The following FAT2 variants were observed in gnomAD, a reference collection of about 807,000 sequenced individuals.
The protein encoded by FAT2 is protocadherin Fat 2.
FAT2 carries 150 observed loss-of-function variants against 295.3 expected under a neutral mutation model. That is an observed-to-expected ratio of 0.51 (90% confidence interval 0.44 to 0.58). The LOEUF (loss-of-function observed/expected upper bound fraction) is 0.58. Ranked by LOEUF, FAT2 falls within the 20% of genes least tolerant of loss-of-function variation. FAT2 has a pLI of 0.00. For synonymous variants in FAT2, 2,026 were observed against 2,150.3 expected (o/e 0.94, Z 1.60); for missense variants, 4,868 against 5,442.7 (o/e 0.89, Z 3.32).
At chr5:151,518,003 G>T in intron 19 of FAT2, among the ~76,000 whole-genome samples, 1 of 152,224 alleles carries the variant, frequency 6.6e-6, no homozygotes, top group South Asian at 2.1e-4. Flanking sequence ...TAGGTCCCAG[G>T]CTGGGTCAAG....
At chr5:151,536,750 G>A (rs115238017) in intron 12 of FAT2, among the ~76,000 whole-genome samples, 1 of 152,316 alleles carries the variant, frequency 6.6e-6, no homozygotes, top group African/African-American at 2.4e-5. Flanking sequence ...ACAATTCTAT[G>A]AGGTGTTATC....
rs770882451 is a variant in FAT2, at chr5:151,568,638, C to G, written c.294G>C (p.Arg98Ser). The change falls in exon 2 of 24, where the codon AGG becomes AGC. Residue 98 changes from arginine to serine, a missense_variant. This residue lies in a region of FAT2 where 3,297 missense variants were observed against 3,669.4 expected (regional missense o/e 0.90). Transcript: ENST00000261800. ...VVGNFCFLRI[R>S]TKSSNTALLN... is the part of the protein sequence containing the mutation. Reference sequence around the variant, plus strand: ...GAAGAGCTGTGTTGCTGCTCTTTGTCCTTATTCTTAGGAAGCAGAAGTTGC... The same window carrying G: ...GAAGAGCTGTGTTGCTGCTCTTTGTGCTTATTCTTAGGAAGCAGAAGTTGC... 1.9e-6 allele frequency: 3 copies of G among 1,614,110 alleles called. No individual in the cohort carries two copies. The South Asian group carries it at 3.3e-5, about 18-fold the overall frequency.
rs748581388 is a variant in FAT2 at position 151,545,436 on chromosome 5, G to A, written c.5691C>T (p.Ser1897=). 9.3e-6 allele frequency: 15 copies of A among 1,613,974 alleles called. No homozygotes were observed. Among genetic ancestry groups the A allele is most frequent in the East Asian group, 4.5e-5 (2 of 44,892 alleles). Reference sequence around the variant, plus strand: ...TATAATTGACTTCTGAGTCTTCATCGCTGGCCCGCACCATGAGAAGCTCCA... The same window carrying A: ...TATAATTGACTTCTGAGTCTTCATCACTGGCCCGCACCATGAGAAGCTCCA... ...PGMELLMVRA[S]DEDSEVNYSI... The change falls in exon 10 of 24, where the codon AGC becomes AGT. Residue 1897 remains serine, a synonymous_variant. Transcript: ENST00000261800.
chr5:151,551,454 C>T lies in FAT2; in HGVS notation c.4296+13G>A, dbSNP rs554998444. On this transcript the variant is annotated intron_variant, in intron 7 of 23. Coordinates refer to ENST00000261800, the MANE Select transcript of FAT2 (RefSeq NM_001447.3). ...TCCTCTCAATACAGGGGTCCCCAGCCGAGGCCTCTAACCTGTGTGGCAATG... is the reference window on the plus strand; with the variant it reads ...TCCTCTCAATACAGGGGTCCCCAGCTGAGGCCTCTAACCTGTGTGGCAATG... 1.6e-5 allele frequency: 26 copies of T among 1,613,204 alleles called. No individual in the cohort carries two copies. Among genetic ancestry groups the T allele is most frequent in the African/African-American group, 2.7e-5 (2 of 75,026 alleles).
At chr5:151,537,675 A>G (rs1755594515) in intron 12 of FAT2, 118 bp downstream of exon 12, 1 of 986,708 alleles carries the variant, frequency 1.0e-6, no homozygotes, top group African/African-American at 1.6e-5. Flanking sequence ...GGGCCAATAT[A>G]TGTTTGCTGA....
chr5:151,547,310 C>G (rs1756737819), intron 9 of FAT2, among the ~76,000 whole-genome samples: 1 of 152,180 alleles, frequency 6.6e-6, no homozygotes, highest in African/African-American at 2.4e-5. Context: ...AAAAGACATT[C>G]TAGAACCCAA....
chr5:151,567,657 G>GT lies in FAT2; in HGVS notation c.1274dup (p.Asp425GlufsTer23). ...TGATGTGTAGCTGATAGTGGGCTCT[G>GT]TCGTGGAAGTCCATGAGCTTTGTGG... is the stretch of plus-strand genomic sequence containing the variant. On this transcript the variant is annotated frameshift_variant, in exon 2 of 24. Coordinates refer to ENST00000261800, the MANE Select transcript of FAT2 (RefSeq NM_001447.3). LOFTEE classifies it high-confidence loss of function. 1.2e-6 allele frequency: 2 copies of GT among 1,614,184 alleles called. No homozygotes were observed. Among genetic ancestry groups the GT allele is most frequent in the Non-Finnish European group, 1.7e-6 (2 of 1,180,010 alleles).
chr5:151,560,418 C>T (rs1757968791), intron 3 of FAT2, among the ~76,000 whole-genome samples: 1 of 152,206 alleles, frequency 6.6e-6, no homozygotes, highest in Admixed American at 6.5e-5. Flanking sequence ...GAAAGTCCAT[C>T]TACTTGCATT....
chr5:151,546,377 C>T (rs747343340), intron 9 of FAT2, 40 bp from the exon 10 acceptor site: 6 of 1,490,232 alleles, frequency 4.0e-6, no homozygotes, highest in Middle Eastern at 1.7e-4. Context: ...GCCACACCCT[C>T]GACAGGTATC....
chr5:151,522,876 G>A (rs1006115892), intron 18 of FAT2, among the ~76,000 whole-genome samples: 4 of 152,156 alleles, frequency 2.6e-5, no homozygotes, highest in Non-Finnish European at 5.9e-5. Context: ...GGCACGCGCA[G>A]GGTTGCAGTT....
intron 3 of FAT2, 35 bp downstream of exon 3, chr5:151,563,290 G>T: frequency 6.3e-7 from 1 of 1,595,930 alleles, no homozygotes; most frequent in Non-Finnish European, 8.6e-7. Flanking sequence ...CACCATTGTA[G>T]AGATCCCTGT....
chr5:151,569,492 A>G (rs998825096), intron 1 of FAT2, among the ~76,000 whole-genome samples: 20 of 152,130 alleles, frequency 1.3e-4, no homozygotes, highest in African/African-American at 4.1e-4. Context: ...GGGAGCCACA[A>G]TTCAAGATGA....
chr5:151,580,025 A>G (rs6868354), intron 1 of FAT2, among the ~76,000 whole-genome samples: 6,126 of 152,266 alleles, frequency 0.04, 412 homozygotes, highest in African/African-American at 0.14. Context: ...GAAGACTACT[A>G]TGAGTCCAAG....
intron 13 of FAT2, 92 bp downstream of exon 13, chr5:151,534,317 A>C (rs1754994709): frequency 1.0e-6 from 1 of 973,504 alleles, no homozygotes; most frequent in Admixed American, 2.7e-5. Flanking sequence ...CACCGCCCTT[A>C]CCAGTCCTAG....
intron 21 of FAT2, 161 bp from the exon 22 acceptor site, chr5:151,510,335 T>C: frequency 8.0e-6 from 6 of 751,776 alleles, no homozygotes; most frequent in Non-Finnish European, 1.3e-5. Context: ...GGTGCCCTGC[T>C]GAACCAAGAG....
chr5:151,567,951 A>G lies in FAT2; in HGVS notation c.981T>C (p.His327=). The change falls in exon 2 of 24, where the codon CAT becomes CAC. Residue 327 remains histidine, a synonymous_variant. Coordinates refer to ENST00000261800, the MANE Select transcript of FAT2 (RefSeq NM_001447.3). Reference sequence around the variant, plus strand: ...TGGCCTGGAGGCTGAGGTTGAACCCATGAAGGTACTCCATCCAGTTGATGT... The same window carrying G: ...TGGCCTGGAGGCTGAGGTTGAACCCGTGAAGGTACTCCATCCAGTTGATGT... ...VKDINWMEYL[H]GFNLSLQARS... 1.2e-6 allele frequency: 2 copies of G among 1,614,222 alleles called. No individual in the cohort carries two copies. The highest frequency in any genetic ancestry group is 2.2e-5 in the South Asian group (2 of 91,074).
intron 1 of FAT2, among the ~76,000 whole-genome samples, chr5:151,579,585 A>G (rs944739966): frequency 6.6e-6 from 1 of 152,206 alleles, no homozygotes; most frequent in African/African-American, 2.4e-5. Context: ...AAATAAATAA[A>G]TAAATAATTT....
chr5:151,511,922 T>TC (rs939193764), intron 21 of FAT2: 2 of 546,114 alleles, frequency 3.7e-6, no homozygotes, highest in African/African-American at 3.8e-5. Flanking sequence ...GCCCCTGAGG[T>TC]CCCCATTCAT....
intron 21 of FAT2, chr5:151,510,927 T>G (rs894024801): frequency 1.3e-5 from 2 of 152,416 alleles, no homozygotes; most frequent in African/African-American, 4.8e-5. Context: ...AGGGAGAGTT[T>G]GAACTATGGC....
Sources: allele counts gnomAD v4.1 joint callset (sites outside exome capture counted in the v4.1 genomes callset), GRCh38; gene constraint gnomAD v4.1.1; regional missense constraint gnomAD v4.1.1; transcripts MANE v1.5; gene names NCBI Gene and HGNC (gene_info 2026-07-23, HGNC 2026-07-21).